The following HSD17B12 variants were observed in gnomAD, a reference collection of about 807,000 sequenced individuals.
HSD17B12 encodes the protein very-long-chain 3-oxoacyl-CoA reductase.
A neutral mutation model predicts 39.3 loss-of-function variants in HSD17B12; 32 were observed. The ratio of observed to expected loss-of-function variants is 0.81; its 90% CI spans 0.61 to 1.09. The LOEUF is 1.09. Among genes scored for constraint, HSD17B12 ranks in the 50% least tolerant of loss-of-function variants. The probability of loss-of-function intolerance (pLI) is 0.00; values close to 1 mark genes in which losing one functional copy is unlikely to be tolerated. For missense variants in HSD17B12, 342 were observed against 382.9 expected (o/e 0.89, Z 0.89); for synonymous variants, 150 against 146.7 (o/e 1.02, Z -0.16).
At chr11:43,814,508 T>G (rs188913948) in intron 4 of HSD17B12, among the ~76,000 whole-genome samples, 1 of 152,324 alleles carries the variant, frequency 6.6e-6, no homozygotes, top group Admixed American at 6.5e-5. Flanking sequence ...ATTGTCTTTG[T>G]CTTTCCAGGG....
chr11:43,696,230 AG>A (rs1401605544), intron 1 of HSD17B12, among the ~76,000 whole-genome samples: 11 of 152,174 alleles, frequency 7.2e-5, no homozygotes, highest in African/African-American at 2.7e-4. Flanking sequence ...ATTATATGCT[AG>A]GCCCTGTGCT....
chr11:43,719,447 G>T (rs1950156068), intron 1 of HSD17B12, among the ~76,000 whole-genome samples: 1 of 152,074 alleles, frequency 6.6e-6, no homozygotes, highest in Non-Finnish European at 1.5e-5. Context: ...CCTGGAAGAG[G>T]CTGTGTGTGA....
chr11:43,665,640 G>T, the HSD17B12 span, among the ~76,000 whole-genome samples: 1 of 152,126 alleles, frequency 6.6e-6, no homozygotes, highest in Non-Finnish European at 1.5e-5. Flanking sequence ...GACATTATTT[G>T]CATCCCCATT....
chr11:43,838,483 T>A (rs974340573), intron 8 of HSD17B12, 85 bp downstream of exon 8: 18 of 1,035,778 alleles, frequency 1.7e-5, no homozygotes, highest in Admixed American at 8.8e-5. Flanking sequence ...TTAACTTTCC[T>A]GAAGTTCTGT....
chr11:43,790,778 G>A (rs1434419340), intron 3 of HSD17B12, among the ~76,000 whole-genome samples: 4 of 152,088 alleles, frequency 2.6e-5, no homozygotes, highest in Non-Finnish European at 5.9e-5. Context: ...GATCACCTGA[G>A]GTCAGGAGTT....
chr11:43,696,987 AACAAC>A (rs1949918055), intron 1 of HSD17B12, among the ~76,000 whole-genome samples: 2 of 151,920 alleles, frequency 1.3e-5, no homozygotes, highest in South Asian at 4.2e-4. Flanking sequence ...CAGAGAGGGG[AACAAC>A]ACACACCAGG....
the HSD17B12 span, among the ~76,000 whole-genome samples, chr11:43,662,375 A>G: frequency 2.1e-5 from 1 of 46,626 alleles, no homozygotes; most frequent in East Asian, 7.8e-4. Context: ...ATTTTATTTT[A>G]TTTGTGTGTG....
intron 3 of HSD17B12, among the ~76,000 whole-genome samples, chr11:43,769,477 G>A (rs1403338288): frequency 1.3e-5 from 2 of 152,190 alleles, no homozygotes; most frequent in African/African-American, 4.8e-5. Context: ...GCACAGTAAA[G>A]CTGAGCTTCA....
At chr11:43,835,278 C>T (rs941768414) in intron 7 of HSD17B12, among the ~76,000 whole-genome samples, 4 of 152,040 alleles carry the variant, frequency 2.6e-5, no homozygotes, top group Admixed American at 6.6e-5. Flanking sequence ...ACTGGTTTGA[C>T]GTCACTAATT....
At chr11:43,804,151 C>G (rs1249450344) in intron 4 of HSD17B12, among the ~76,000 whole-genome samples, 1 of 152,170 alleles carries the variant, frequency 6.6e-6, no homozygotes, top group East Asian at 1.9e-4. Flanking sequence ...GAAAGGTCCT[C>G]TTGGAAAAAT....
intron 3 of HSD17B12, among the ~76,000 whole-genome samples, chr11:43,783,481 G>A (rs961702340): frequency 6.6e-6 from 1 of 150,680 alleles, no homozygotes; most frequent in Non-Finnish European, 1.5e-5. Context: ...TGTTACATAG[G>A]TATACACGTG....
intron 1 of HSD17B12, among the ~76,000 whole-genome samples, chr11:43,727,031 T>C (rs752466331): frequency 2.0e-5 from 3 of 152,224 alleles, no homozygotes; most frequent in Non-Finnish European, 4.4e-5. Flanking sequence ...AGACCACAGT[T>C]ATTACATAAA....
rs1206545700 is a variant in HSD17B12, at chr11:43,690,404, A to ATTTTT, written c.160+9430_160+9434dup. ...TATATATATATATATATATATATATATTTTTTTTTTTTTTTTTCTGAGACA... is the reference window on the plus strand; with the variant it reads ...TATATATATATATATATATATATATATTTTTTTTTTTTTTTTTTTTTTCTGAGACA... On this transcript the variant is annotated intron_variant, in intron 1 of 10. Coordinates refer to ENST00000278353, the MANE Select transcript of HSD17B12 (RefSeq NM_016142.3). Among the ~76,000 whole-genome samples the ATTTTT allele has an allele frequency of 3.2e-4, 8 of 24,958 alleles. 1 individual carries two copies. The highest frequency in any genetic ancestry group is 5.7e-4 in the African/African-American group (3 of 5,234). The allele number at this position is 24,958 out of a possible 152,430, so 16.4% of individuals were successfully genotyped here. A position where few individuals can be genotyped will look rare whatever the true frequency, so the allele number is the denominator to read the frequency against.
the HSD17B12 span, among the ~76,000 whole-genome samples, chr11:43,589,227 A>T: frequency 6.6e-6 from 1 of 152,138 alleles, no homozygotes; most frequent in Non-Finnish European, 1.5e-5. Context: ...TTTACTTTTA[A>T]CATCTTATAA....
intron 1 of HSD17B12, among the ~76,000 whole-genome samples, chr11:43,735,880 T>A (rs1222559322): frequency 6.6e-6 from 1 of 152,020 alleles, no homozygotes; most frequent in African/African-American, 2.4e-5. Context: ...GAGAGAGAGA[T>A]CGAGGGGGAA....
chr11:43,841,831 T>C (rs1024813253), intron 9 of HSD17B12, among the ~76,000 whole-genome samples: 2 of 152,204 alleles, frequency 1.3e-5, no homozygotes, highest in Non-Finnish European at 2.9e-5. Flanking sequence ...ATTTCACTTT[T>C]TGTATCCTGA....
chr11:43,814,981 T>TA (rs1467419481), intron 4 of HSD17B12, among the ~76,000 whole-genome samples: 1 of 152,196 alleles, frequency 6.6e-6, no homozygotes, highest in Non-Finnish European at 1.5e-5. Context: ...ATGCGATGCA[T>TA]ATTGTACATG....
chr11:43,751,939 C>T (rs1227264038), intron 2 of HSD17B12, among the ~76,000 whole-genome samples: 2 of 152,158 alleles, frequency 1.3e-5, no homozygotes, highest in African/African-American at 4.8e-5. Context: ...TAACATACAG[C>T]CCTTATGCAG....
chr11:43,581,999 G>T, the HSD17B12 span, among the ~76,000 whole-genome samples: 2 of 152,310 alleles, frequency 1.3e-5, 1 homozygote, highest in African/African-American at 4.8e-5. This position sits in a 1 kb window ranked among gnomAD's most constrained non-coding sequence, Gnocchi z 4.9. Context: ...CTGGTGCGGG[G>T]GACCCGGAGG....
Sources: gnomAD v4.1 joint callset for allele counts (sites outside exome capture counted in the v4.1 genomes callset) on GRCh38, gnomAD v4.1.1 for gene constraint, Gnocchi (gnomAD v3.1) non-coding constraint, MANE v1.5 for transcripts, NCBI Gene and HGNC (gene_info 2026-07-23, HGNC 2026-07-21) for gene names.